The following ADAM29 variants were observed in gnomAD, a reference collection of about 807,000 sequenced individuals.
The protein encoded by ADAM29 is disintegrin and metalloproteinase domain-containing protein 29.
For missense variants in ADAM29, 969 were observed against 1,001.8 expected, an observed-to-expected ratio of 0.97 and a Z score of 0.44; for synonymous variants, 367 against 342.3, an observed-to-expected ratio of 1.07 and a Z score of -0.80.
chr4:174,953,175 A>G (rs1248911232), intron 4 of ADAM29, among the ~76,000 whole-genome samples: 1 of 152,064 alleles, frequency 6.6e-6, no homozygotes, highest in Non-Finnish European at 1.5e-5. Flanking sequence ...AGTCCCAGCT[A>G]CTTGGGAGGC....
chr4:174,956,181 T>C (rs929185985), intron 4 of ADAM29, among the ~76,000 whole-genome samples: 2 of 152,056 alleles, frequency 1.3e-5, no homozygotes, highest in South Asian at 2.1e-4. Context: ...CATCGATATT[T>C]GGTATCTCAT....
intron 4 of ADAM29, among the ~76,000 whole-genome samples, chr4:174,950,756 A>C (rs1366451045): frequency 6.6e-6 from 1 of 152,132 alleles, no homozygotes; most frequent in Non-Finnish European, 1.5e-5. Context: ...TGCAATCTTC[A>C]GTGTTGAAGG....
intron 4 of ADAM29, among the ~76,000 whole-genome samples, chr4:174,950,074 C>T (rs1211572179): frequency 6.6e-6 from 1 of 152,128 alleles, no homozygotes; most frequent in Non-Finnish European, 1.5e-5. Context: ...GTGACCATAG[C>T]CTTTAATAAG....
At chr4:174,968,375 A>T (rs1746271554) in intron 4 of ADAM29, among the ~76,000 whole-genome samples, 1 of 152,140 alleles carries the variant, frequency 6.6e-6, no homozygotes, top group African/African-American at 2.4e-5. Context: ...CTGCAGCAGG[A>T]AGTTAAATGT....
At chr4:174,930,077 T>C (rs938298569) in intron 2 of ADAM29, among the ~76,000 whole-genome samples, 5 of 152,130 alleles carry the variant, frequency 3.3e-5, no homozygotes, top group South Asian at 2.1e-4. Flanking sequence ...TACAGGCGCC[T>C]GCCACCATGC....
chr4:174,966,164 G>T (rs1313982818), intron 4 of ADAM29, among the ~76,000 whole-genome samples: 1 of 152,092 alleles, frequency 6.6e-6, no homozygotes, highest in Non-Finnish European at 1.5e-5. Context: ...TGTTTAGGGG[G>T]TAAATGACAA....
chr4:174,956,668 T>A (rs370142342), intron 4 of ADAM29, among the ~76,000 whole-genome samples: 1 of 151,992 alleles, frequency 6.6e-6, no homozygotes, highest in East Asian at 1.9e-4. Context: ...TTGTTTTTTC[T>A]GGCCATTGTA....
intron 4 of ADAM29, among the ~76,000 whole-genome samples, chr4:174,938,280 C>T (rs1044024691): frequency 2.6e-5 from 4 of 151,966 alleles, no homozygotes; most frequent in African/African-American, 9.7e-5. Flanking sequence ...AGATATAAAA[C>T]TACAGAATTT....
intron 3 of ADAM29, 68 bp from the exon 4 acceptor site, chr4:174,936,865 A>G (rs1339326838): frequency 6.6e-6 from 1 of 151,990 alleles, no homozygotes; most frequent in Non-Finnish European, 1.5e-5. Flanking sequence ...TTTTTATGCC[A>G]ATATAGAACA....
At chr4:174,962,613 C>G (rs1324729592) in intron 4 of ADAM29, among the ~76,000 whole-genome samples, 1 of 151,418 alleles carries the variant, frequency 6.6e-6, no homozygotes, top group Non-Finnish European at 1.5e-5. Context: ...TTGGAAAATG[C>G]TAGAGTGGAT....
rs1746766326 is a variant in ADAM29, at chr4:174,976,043, G to A, written c.518G>A (p.Cys173Tyr). The A allele has an allele frequency of 6.2e-7, 1 of 1,611,178 alleles. No homozygotes were observed. The highest frequency in any genetic ancestry group is 2.2e-5 in the East Asian group (1 of 44,886). ...GGATTTATGCAAAATGAAATAACAT[G>A]CCGAATGGAATTTGAAGAAATTGAT... is the stretch of plus-strand genomic sequence containing the variant. Reference protein sequence around the residue: ...RSGFMQNEITCRMEFEEIDNS... With the variant: ...RSGFMQNEITYRMEFEEIDNS... Residue 173 changes from cysteine to tyrosine, a missense_variant, in exon 5 of 5, where the codon TGC (cysteine) becomes TAC (tyrosine). Physicochemically the swap from Cys to Tyr is radical, Grantham distance 194 (BLOSUM62 -2). Transcript: ENST00000359240.
At chr4:174,968,500 G>A (rs1746279331) in intron 4 of ADAM29, among the ~76,000 whole-genome samples, 2 of 152,136 alleles carry the variant, frequency 1.3e-5, no homozygotes, top group African/African-American at 4.8e-5. Flanking sequence ...TTGTACGTAA[G>A]CACTTTAGAC....
At chr4:174,921,222 T>C (rs1326049830) in intron 2 of ADAM29, among the ~76,000 whole-genome samples, 1 of 152,130 alleles carries the variant, frequency 6.6e-6, no homozygotes, top group East Asian at 1.9e-4. Context: ...TCAACTCAAA[T>C]GTTACATACA....
intron 4 of ADAM29, among the ~76,000 whole-genome samples, chr4:174,967,689 A>G (rs1746230178): frequency 6.6e-6 from 1 of 152,222 alleles, no homozygotes; most frequent in South Asian, 2.1e-4. Context: ...ATCCCTATGT[A>G]TTAAAACAGT....
chr4:174,975,476 T>C lies in ADAM29; in HGVS notation c.-50T>C, dbSNP rs774893674. ...CCCTGACTTCTGCTCTGGACCAGTG[T>C]TTCCATAACAGGGACTTCAAAATCA... On this transcript the variant is annotated 5_prime_UTR_variant, in exon 5 of 5. Transcript: ENST00000359240. 22 of 1,485,904 alleles carry C rather than the reference T, an allele frequency of 1.5e-5. No homozygotes were observed. In the African/African-American group the frequency reaches 2.9e-4, roughly 20 times the overall value. The allele number at this position is 1,485,904 out of a possible 1,614,324, so 92.0% of individuals were successfully genotyped here.
rs188716137 is a variant in ADAM29, at chr4:174,963,063, A to T, written c.-180-12283A>T. Among the ~76,000 whole-genome samples, 62 of 152,308 alleles carry T rather than the reference A, an allele frequency of 4.1e-4. 1 individual carries two copies. The highest frequency in any genetic ancestry group is 1.4e-3 in the African/African-American group (60 of 41,572). The stretch of plus-strand genomic sequence containing the variant: ...AAGTACATGGGACAATCTATGAGGT[A>T]GTCTCATTAAAATACTTGGCCTGAA... On this transcript the variant is annotated intron_variant, in intron 4 of 4. Coordinates refer to ENST00000359240, the MANE Select transcript of ADAM29 (RefSeq NM_014269.4).
chr4:174,956,491 T>G (rs1745507223), intron 4 of ADAM29, among the ~76,000 whole-genome samples: 2 of 122,274 alleles, frequency 1.6e-5, no homozygotes, highest in Non-Finnish European at 3.5e-5. Context: ...TGTGTGTGTG[T>G]GTCTGTGTGT....
intron 4 of ADAM29, among the ~76,000 whole-genome samples, chr4:174,941,379 T>G (rs1744527977): frequency 6.6e-6 from 1 of 152,168 alleles, no homozygotes; most frequent in African/African-American, 2.4e-5. Flanking sequence ...TTAAAAATGC[T>G]GTATTAATTT....
chr4:174,955,530 AT>A, intron 4 of ADAM29, among the ~76,000 whole-genome samples: 1 of 152,178 alleles, frequency 6.6e-6, no homozygotes, highest in East Asian at 1.9e-4. Flanking sequence ...ATGTTTAAGC[AT>A]TCTTAAATTA....
Sources: allele counts gnomAD v4.1 joint callset (sites outside exome capture counted in the v4.1 genomes callset), GRCh38; gene constraint gnomAD v4.1.1; transcripts MANE v1.5; gene names NCBI Gene and HGNC (gene_info 2026-07-23, HGNC 2026-07-21).